Variants in TCF25 observed in about 807,000 individuals in gnomAD.
TCF25 encodes the protein TCF25 ribosome quality control complex subunit.
A neutral mutation model predicts 83.1 loss-of-function variants in TCF25; 41 were observed. The observed-to-expected ratio is 0.49, with a 90% CI of 0.38 to 0.64. The LOEUF (loss-of-function observed/expected upper bound fraction) is 0.64. Ranked by LOEUF, TCF25 falls within the 30% of genes least tolerant of loss-of-function variation. TCF25 has a pLI of 0.00. For missense variants in TCF25, 979 were observed against 914.5 expected, an observed-to-expected ratio of 1.07 and a Z score of -0.91; for synonymous variants, 458 against 365.0, an observed-to-expected ratio of 1.25 and a Z score of -2.90.
In TCF25 at chr16:89,892,230, T is replaced by C. The variant is rs761403205; in HGVS notation, c.652T>C (p.Trp218Arg). 3.7e-6 allele frequency: 6 copies of C among 1,613,174 alleles called. No individual in the cohort carries two copies. The East Asian group carries it at 1.1e-4, about 30-fold the overall frequency. ...QRQRVYPKCTWLTTPKSTWPR... is the reference protein window; with the variant it reads ...QRQRVYPKCTRLTTPKSTWPR... ...ACAACGTGTGTACCCCAAGTGCACA[T>C]GGCTGACCACCCCTAAAAGCACCTG... The change falls in exon 6 of 18, where the codon TGG becomes CGG. Residue 218 changes from tryptophan (W) to arginine (R), a missense_variant. Coordinates refer to ENST00000263346, the MANE Select transcript of TCF25 (RefSeq NM_014972.3).
Position 89,873,874 on chromosome 16 carries a change from G to A in TCF25, c.192+15G>A, listed in dbSNP as rs1358341626. 1.3e-6 allele frequency: 2 copies of A among 1,498,240 alleles called. No individual in the cohort carries two copies. Among genetic ancestry groups the A allele is most frequent in the Non-Finnish European group, 1.8e-6 (2 of 1,122,978 alleles). 92.8% of individuals were successfully genotyped at this position (1,498,240 alleles called of 1,614,324 possible). On this transcript the variant is annotated intron_variant, in intron 1 of 17. Transcript: ENST00000263346. ...GCTTCGAGCTGGTGAGGAGCGCGGC[G>A]GCCCGGGTGGGGGTGGGGTGGCCCT...
At chr16:89,885,090 C>G (rs1199513820) in intron 3 of TCF25, among the ~76,000 whole-genome samples, 2 of 149,334 alleles carry the variant, frequency 1.3e-5, no homozygotes, top group Non-Finnish European at 3.0e-5. Context: ...GACGCCCTCT[C>G]CCTCTGCCTG....
At chr16:89,893,883 C>G in intron 7 of TCF25, 25 bp downstream of exon 7, 1 of 1,584,842 alleles carries the variant, frequency 6.3e-7, no homozygotes, top group Non-Finnish European at 8.6e-7. Flanking sequence ...CAGCCCCTGA[C>G]AGGAGCAGGG....
chr16:89,898,035 C>T (rs1305588237), intron 9 of TCF25, among the ~76,000 whole-genome samples: 1 of 150,848 alleles, frequency 6.6e-6, no homozygotes, highest in Non-Finnish European at 1.5e-5. Context: ...ACCCAGGAGG[C>T]GGAGCTTGCA....
At chr16:89,906,153 C>T (rs995029230) in intron 14 of TCF25, 41 bp from the exon 15 acceptor site, 2 of 1,572,086 alleles carry the variant, frequency 1.3e-6, no homozygotes, top group Non-Finnish European at 1.7e-6. Flanking sequence ...ATTTCATTTG[C>T]TGTGCTTTAT....
intron 16 of TCF25, chr16:89,909,190 A>C: frequency 1.6e-6 from 2 of 1,248,648 alleles, no homozygotes; most frequent in Non-Finnish European, 2.1e-6. Context: ...CCTGGCCAAC[A>C]TGGCAAACCC....
chr16:89,888,906 C>G (rs1482762330), intron 5 of TCF25, among the ~76,000 whole-genome samples: 1 of 143,034 alleles, frequency 7.0e-6, no homozygotes, highest in Non-Finnish European at 1.5e-5. Flanking sequence ...AGGCTGGTCT[C>G]GAACTCCTGA....
chr16:89,892,591 C>A (rs1000308311), intron 6 of TCF25, among the ~76,000 whole-genome samples: 4 of 152,240 alleles, frequency 2.6e-5, no homozygotes, highest in African/African-American at 9.6e-5. Flanking sequence ...GTGTGACTGT[C>A]TTTTAACGCA....
In TCF25 at chr16:89,911,223, G is replaced by A. The variant is rs1597406714; in HGVS notation, c.2016G>A (p.Glu672=). 6.2e-7 allele frequency: 1 copy of A among 1,612,464 alleles called. No homozygotes were observed. The highest frequency in any genetic ancestry group is 1.1e-5 in the South Asian group (1 of 91,052). ...CGCACGAGGACGACGCTGAGGGGGA[G>A]GGGGAGTGGGACTGAGCGTCCGCAG... ...EAPHEDDAEG[E]GEWD is the part of the protein sequence containing the mutation. The change falls in exon 18 of 18, where the codon GAG becomes GAA. Residue 672 remains glutamate, a synonymous_variant. Transcript: ENST00000263346.
chr16:89,896,185 G>A, intron 9 of TCF25, 102 bp downstream of exon 9: 4 of 1,067,962 alleles, frequency 3.7e-6, no homozygotes, highest in Non-Finnish European at 5.5e-6. Flanking sequence ...CCTCCAGGGT[G>A]GACCAGGGCC....
chr16:89,882,596 T>G (rs1043286837), intron 1 of TCF25, among the ~76,000 whole-genome samples: 1 of 152,314 alleles, frequency 6.6e-6, no homozygotes, highest in African/African-American at 2.4e-5. Flanking sequence ...CATTTTGTTT[T>G]TCTATTTTGA....
chr16:89,900,998 CGAGGAGGTG>C, intron 12 of TCF25: 1 of 533,198 alleles, frequency 1.9e-6, no homozygotes, highest in Non-Finnish European at 3.1e-6. Context: ...AAGCCAGGCA[CGAGGAGGTG>C]GCAGGCATCC....
chr16:89,888,434 A>G (rs1484308760), intron 5 of TCF25, among the ~76,000 whole-genome samples: 1 of 151,708 alleles, frequency 6.6e-6, no homozygotes, highest in Non-Finnish European at 1.5e-5. Context: ...CTAAAAATAC[A>G]AAAAATTAGC....
chr16:89,882,866 C>T (rs1170988460), intron 1 of TCF25, among the ~76,000 whole-genome samples: 1 of 152,204 alleles, frequency 6.6e-6, no homozygotes. Flanking sequence ...GGATCACAGG[C>T]GCGAGCACCT....
chr16:89,910,683 G>GC lies in TCF25; in HGVS notation c.1872+24dup. On this transcript the variant is annotated intron_variant, in intron 17 of 17. Coordinates refer to ENST00000263346, the MANE Select transcript of TCF25 (RefSeq NM_014972.3). ...ATGGAGGTAGGTTGAGCTCGTCCCA[G>GC]CCCCTGCCTCCCCAGTGGGTGCGGG... is the stretch of plus-strand genomic sequence containing the variant. The GC allele has an allele frequency of 6.2e-7, 1 of 1,612,456 alleles. No homozygotes were observed. The highest frequency in any genetic ancestry group is 1.1e-5 in the South Asian group (1 of 91,070).
chr16:89,903,054 C>T (rs890848531), intron 12 of TCF25, among the ~76,000 whole-genome samples: 1 of 152,246 alleles, frequency 6.6e-6, no homozygotes, highest in African/African-American at 2.4e-5. Context: ...CCTTTGTCCT[C>T]CTCTGGGGCT....
At chr16:89,910,516 C>G in intron 16 of TCF25, 75 bp from the exon 17 acceptor site, 1 of 1,510,020 alleles carries the variant, frequency 6.6e-7, no homozygotes, top group South Asian at 1.1e-5. Flanking sequence ...AGCTGGCAGG[C>G]AGCCCCGTGA....
intron 1 of TCF25, among the ~76,000 whole-genome samples, chr16:89,877,535 A>G (rs554050954): frequency 3.3e-5 from 5 of 152,346 alleles, no homozygotes; most frequent in African/African-American, 1.2e-4. Flanking sequence ...CGTAAATTTT[A>G]AATTAGAAAA....
chr16:89,897,495 G>A (rs1327214964), intron 9 of TCF25, among the ~76,000 whole-genome samples: 3 of 152,262 alleles, frequency 2.0e-5, no homozygotes, highest in Non-Finnish European at 2.9e-5. Context: ...GCCAAGGTCC[G>A]CTGACCCGTT....
Sources: gnomAD v4.1 joint callset for allele counts (sites outside exome capture counted in the v4.1 genomes callset) on GRCh38, gnomAD v4.1.1 for gene constraint, MANE v1.5 for transcripts, NCBI Gene and HGNC (gene_info 2026-07-23, HGNC 2026-07-21) for gene names.